LRRC8E: variants seen among roughly 807,000 people sequenced by gnomAD.
The protein encoded by LRRC8E is leucine rich repeat containing 8 VRAC subunit E, also known as volume-regulated anion channel subunit LRRC8E.
LRRC8E carries 6 observed loss-of-function variants against 6.1 expected under a neutral mutation model. That is an observed-to-expected ratio of 0.98 (90% CI 0.54 to 1.93). The LOEUF (loss-of-function observed/expected upper bound fraction) is 1.93, where lower values mean the gene tolerates loss of function less well. Ranked by LOEUF, LRRC8E falls within the 30% of genes most tolerant of loss-of-function variation. The pLI is 0.01. For missense variants in LRRC8E, 1,028 were observed against 1,031.4 expected (o/e 1.00, Z 0.04); for synonymous variants, 485 against 472.8 (o/e 1.03, Z -0.33).
rs1981768291 is a variant in LRRC8E, at chr19:7,899,008, C to T, written c.486C>T (p.Thr162=). 1 of 1,613,958 alleles carries T rather than the reference C, an allele frequency of 6.2e-7. No individual in the cohort carries two copies. Among genetic ancestry groups the T allele is most frequent in the African/African-American group, 1.3e-5 (1 of 75,034 alleles). Residue 162 remains threonine (T), a synonymous_variant, in exon 3 of 3, where the codon ACC becomes ACT. Coordinates refer to ENST00000306708, the MANE Select transcript of LRRC8E (RefSeq NM_025061.6). ...ILGKCFDSPW[T]TRALSEVSGE... ...GCAAGTGTTTCGACTCTCCATGGAC[C>T]ACCAGGGCCCTATCCGAGGTCTCCG...
At position 7,899,361 on chromosome 19, in the gene LRRC8E, TCA is replaced by T. The variant is rs1981809333; in HGVS notation, c.840_841del (p.Ile280MetfsTer7). 8 of 1,614,174 alleles carry T rather than the reference TCA, an allele frequency of 5.0e-6. No individual in the cohort carries two copies. The highest frequency in any genetic ancestry group is 6.8e-6 in the Non-Finnish European group (8 of 1,180,018). ...TACAACCTGGTCTATGTGGAGAAGATCAGTTTCCTGGTGGCCTGTAGGGTGGA... is the reference window on the plus strand; with the variant it reads ...TACAACCTGGTCTATGTGGAGAAGATGTTTCCTGGTGGCCTGTAGGGTGGA... On this transcript the variant is annotated frameshift_variant, in exon 3 of 3. Transcript: ENST00000306708. LOFTEE classifies it low-confidence loss of function (END_TRUNC).
intron 2 of LRRC8E, among the ~76,000 whole-genome samples, chr19:7,897,491 T>TTG (rs1981661691): frequency 6.6e-6 from 1 of 150,710 alleles, no homozygotes; most frequent in Admixed American, 6.6e-5. Flanking sequence ...ACAGTTTTTT[T>TTG]TTTTTTTTTT....
At chr19:7,891,406 G>C (rs1981298243) in intron 1 of LRRC8E, among the ~76,000 whole-genome samples, 1 of 152,120 alleles carries the variant, frequency 6.6e-6, no homozygotes, top group Admixed American at 6.6e-5. Context: ...GATAGCCCCT[G>C]TGGCTGCCCC....
In LRRC8E at chr19:7,899,482, GTGCATCTACGGACTTACC is replaced by G. The variant is rs1568267007; in HGVS notation, c.970_987del (p.Gly324_Tyr329del). ...TGGCCTTCTGTTACATCTCCTTTGT[GTGCATCTACGGACTTACC>G]TGCATCTACACGCTCTACTGGCTCT... On this transcript the variant is annotated inframe_deletion, in exon 3 of 3. Coordinates refer to ENST00000306708, the MANE Select transcript of LRRC8E (RefSeq NM_025061.6). The G allele has an allele frequency of 6.8e-6, 11 of 1,613,478 alleles. No individual in the cohort carries two copies. Among genetic ancestry groups the G allele is most frequent in the Middle Eastern group, 3.3e-4 (2 of 6,062 alleles).
In LRRC8E at chr19:7,899,520, G is replaced by A. The variant is rs1408440448; in HGVS notation, c.998G>A (p.Trp333Ter). ...CTTACCTGCATCTACACGCTCTACT[G>A]GCTCTTCCACCGGCCCCTCAAGGAG... ...YGLTCIYTLY[W>*]LFHRPLKEYS... Residue 333 changes from tryptophan (W) to a stop codon, truncating the protein, a stop_gained, in exon 3 of 3, where the codon TGG becomes TAG. Transcript: ENST00000306708. LOFTEE classifies it low-confidence loss of function (END_TRUNC). The A allele has an allele frequency of 6.2e-7, 1 of 1,614,012 alleles. No individual in the cohort carries two copies. The highest frequency in any genetic ancestry group is 2.2e-5 in the East Asian group (1 of 44,886).
intron 1 of LRRC8E, among the ~76,000 whole-genome samples, chr19:7,889,373 T>G (rs2145091023): frequency 6.7e-6 from 1 of 150,068 alleles, no homozygotes; most frequent in African/African-American, 2.5e-5. Flanking sequence ...ACCCAAGAGG[T>G]GGAGGTTGCA....
At chr19:7,894,138 A>G (rs1395602725) in intron 1 of LRRC8E, among the ~76,000 whole-genome samples, 2 of 152,092 alleles carry the variant, frequency 1.3e-5, no homozygotes, top group Non-Finnish European at 2.9e-5. Flanking sequence ...CTTCCTGGGG[A>G]GATGGATGGG....
chr19:7,895,869 C>T lies in LRRC8E; in HGVS notation c.138+128C>T. 1 of 1,163,848 alleles carries T rather than the reference C, an allele frequency of 8.6e-7. No homozygotes were observed. Among genetic ancestry groups the T allele is most frequent in the Non-Finnish European group, 1.2e-6 (1 of 826,748 alleles). 72.1% of individuals were successfully genotyped at this position (1,163,848 alleles called of 1,614,324 possible). ...GACAGAGCCCCACTCAAAGGCCAAT[C>T]CAGACCCCTTATCTTCCTTACCTCC... On this transcript the variant is annotated intron_variant, in intron 2 of 2. Transcript: ENST00000306708. This position sits in a 1 kb window ranked among gnomAD's most constrained non-coding sequence, Gnocchi z 4.7.
In LRRC8E at chr19:7,900,989, T is replaced by G; in HGVS notation, c.*76T>G. ...GAATCTCAACCATTGTCTTCCAAGA[T>G]AGGAAGCCAAGTGGGTCCAGGCCAG... On this transcript the variant is annotated 3_prime_UTR_variant, in exon 3 of 3. Transcript: ENST00000306708. This position sits in a 1 kb window ranked among gnomAD's most constrained non-coding sequence, Gnocchi z 5.0. 2 of 1,057,998 alleles carry G rather than the reference T, an allele frequency of 1.9e-6. No individual in the cohort carries two copies. Among genetic ancestry groups the G allele is most frequent in the Non-Finnish European group, 2.5e-6 (2 of 788,916 alleles). The allele number at this position is 1,057,998 out of a possible 1,614,324, so 65.5% of individuals were successfully genotyped here. A position where few individuals can be genotyped will look rare whatever the true frequency, so the allele number is the denominator to read the frequency against.
rs755375767 is a variant in LRRC8E, at chr19:7,899,972, G to A, written c.1450G>A (p.Asp484Asn). Residue 484 changes from aspartate to asparagine, a missense_variant, in exon 3 of 3, where the codon GAC becomes AAC. Coordinates refer to ENST00000306708, the MANE Select transcript of LRRC8E (RefSeq NM_025061.6). ...LPFSLQVFLR[D>N]HLKVMRVKCE... ...CTTCTCCTTGCAGGTCTTCCTGCGG[G>A]ACCACCTGAAGGTGATGCGCGTCAA... 5.6e-6 allele frequency: 9 copies of A among 1,609,430 alleles called. No individual in the cohort carries two copies. Among genetic ancestry groups the A allele is most frequent in the Non-Finnish European group, 7.6e-6 (9 of 1,179,822 alleles).
In LRRC8E at chr19:7,898,882, C is replaced by G; in HGVS notation, c.360C>G (p.Tyr120Ter). 1 of 1,614,234 alleles carries G rather than the reference C, an allele frequency of 6.2e-7. No homozygotes were observed. Among genetic ancestry groups the G allele is most frequent in the Middle Eastern group, 1.6e-4 (1 of 6,062 alleles). Reference protein sequence around the residue: ...ALHWYAKYFPYLVVIHTLIFM... With the variant: ...ALHWYAKYFP ...ACTGGTATGCCAAGTACTTCCCTTA[C>G]CTCGTGGTCATTCACACACTCATCT... The change falls in exon 3 of 3, where the codon TAC (tyrosine) becomes TAG (stop). Residue 120 changes from tyrosine to a stop codon, truncating the protein, a stop_gained. Coordinates refer to ENST00000306708, the MANE Select transcript of LRRC8E (RefSeq NM_025061.6). LOFTEE classifies it low-confidence loss of function (END_TRUNC).
intron 1 of LRRC8E, among the ~76,000 whole-genome samples, chr19:7,894,895 CCT>C (rs1981497721): frequency 6.6e-6 from 1 of 152,244 alleles, no homozygotes; most frequent in African/African-American, 2.4e-5. Context: ...CCCATTGCCC[CCT>C]CTCAGAGCCC....
intron 1 of LRRC8E, among the ~76,000 whole-genome samples, chr19:7,889,441 CAA>C (rs113557470): frequency 5.7e-5 from 8 of 141,152 alleles, no homozygotes; most frequent in African/African-American, 1.3e-4. Context: ...CACTCCATCT[CAA>C]AAAAAAAAAA....
chr19:7,895,514 GTGTCCGGCTCCTCGGAGGACCCCC>G lies in LRRC8E; in HGVS notation c.-5-82_-5-59del. On this transcript the variant is annotated intron_variant, in intron 1 of 2. Transcript: ENST00000306708. The surrounding 1 kb of genome is among the most constrained non-coding windows in gnomAD (Gnocchi z 4.7). ...GGCAGGGAGGGTCACAGGCCTGCCT[GTGTCCGGCTCCTCGGAGGACCCCC>G]TGCAGAGCCTCCCATCCTGAGGGTC... 2 of 1,534,118 alleles carry G rather than the reference GTGTCCGGCTCCTCGGAGGACCCCC, an allele frequency of 1.3e-6. No homozygotes were observed. Among genetic ancestry groups the G allele is most frequent in the Non-Finnish European group, 1.8e-6 (2 of 1,120,582 alleles).
Position 7,898,856 on chromosome 19 carries a change from C to T in LRRC8E, c.334C>T (p.His112Tyr). The T allele has an allele frequency of 1.2e-6, 2 of 1,614,238 alleles. No homozygotes were observed. The highest frequency in any genetic ancestry group is 1.1e-5 in the South Asian group (1 of 91,088). ...CCAGCTGTGTTATGAGACGGCCCTG[C>T]ACTGGTATGCCAAGTACTTCCCTTA... ...INQLCYETAL[H>Y]WYAKYFPYLV... Residue 112 changes from histidine (H) to tyrosine (Y), a missense_variant, in exon 3 of 3, where the codon CAC becomes TAC. By Grantham distance (83) the His-to-Tyr change is moderately conservative. Coordinates refer to ENST00000306708, the MANE Select transcript of LRRC8E (RefSeq NM_025061.6).
chr19:7,892,314 C>T (rs541164506), intron 1 of LRRC8E, among the ~76,000 whole-genome samples: 1 of 152,086 alleles, frequency 6.6e-6, no homozygotes, highest in Admixed American at 6.6e-5. Flanking sequence ...CCTCGTGATC[C>T]ACCCACCTCG....
At chr19:7,891,506 G>A (rs924934828) in intron 1 of LRRC8E, among the ~76,000 whole-genome samples, 6 of 150,448 alleles carry the variant, frequency 4.0e-5, no homozygotes, top group Non-Finnish European at 8.8e-5. Flanking sequence ...GCAAGGACAG[G>A]AAGTTGGTCC....
chr19:7,894,260 C>T (rs1981462697), intron 1 of LRRC8E, among the ~76,000 whole-genome samples: 1 of 152,186 alleles, frequency 6.6e-6, no homozygotes, highest in Admixed American at 6.5e-5. Context: ...GAGTCTCACT[C>T]TGTCACCCAG....
Position 7,899,413 on chromosome 19 carries a change from C to T in LRRC8E, c.891C>T (p.Ala297=). The T allele has an allele frequency of 1.2e-6, 2 of 1,614,162 alleles. No homozygotes were observed. The highest frequency in any genetic ancestry group is 1.1e-5 in the South Asian group (1 of 91,080). ...RVETSEVTGY[A]SFCCNHTKAH... ...AGACGTCAGAGGTCACGGGCTACGC[C>T]AGCTTCTGCTGCAACCACACCAAGG... Residue 297 remains alanine, a synonymous_variant, in exon 3 of 3, where the codon GCC becomes GCT. Transcript: ENST00000306708.
Sources: gnomAD v4.1 joint callset for allele counts (sites outside exome capture counted in the v4.1 genomes callset) on GRCh38, gnomAD v4.1.1 for gene constraint, Gnocchi (gnomAD v3.1) non-coding constraint, MANE v1.5 for transcripts, NCBI Gene and HGNC (gene_info 2026-07-23, HGNC 2026-07-21) for gene names.